Variants in GALNT2 observed in about 807,000 individuals in gnomAD.
GALNT2 encodes the protein UDP-GalNAc:polypeptide N-acetylgalactosaminyltransferase 2.
Under a neutral mutation model 81.4 loss-of-function variants are expected in GALNT2, and 31 were observed. The observed-to-expected ratio is 0.38, with a 90% confidence interval of 0.29 to 0.51. The LOEUF (loss-of-function observed/expected upper bound fraction) is 0.51. Among genes scored for constraint, GALNT2 ranks in the 20% least tolerant of loss-of-function variants. GALNT2 has a pLI of 0.87. For synonymous variants in GALNT2, 303 were observed against 287.4 expected, an observed-to-expected ratio of 1.05 and a Z score of -0.55; for missense variants, 629 against 765.7, an observed-to-expected ratio of 0.82 and a Z score of 2.11.
intron 1 of GALNT2, among the ~76,000 whole-genome samples, chr1:230,074,604 C>A (rs746017296): frequency 2.0e-5 from 3 of 152,196 alleles, no homozygotes; most frequent in Non-Finnish European, 2.9e-5. Flanking sequence ...GATTTCATTC[C>A]TTCTGTCTGA....
At chr1:230,132,593 C>T (rs1178371533) in intron 1 of GALNT2, among the ~76,000 whole-genome samples, 2 of 152,188 alleles carry the variant, frequency 1.3e-5, no homozygotes, top group African/African-American at 2.4e-5. Flanking sequence ...AGGTGACATG[C>T]AGACTGTCTT....
At chr1:230,274,617 C>A (rs1666237015) in intron 15 of GALNT2, 53 bp downstream of exon 15, 3 of 1,607,632 alleles carry the variant, frequency 1.9e-6, no homozygotes, top group Non-Finnish European at 1.7e-6. Context: ...ACCAGGGTAG[C>A]CACGGCCTGC....
Position 230,275,722 on chromosome 1 carries a change from A to G in GALNT2, c.1560+1158A>G, listed in dbSNP as rs1666283415. Among the ~76,000 whole-genome samples, 1 of 151,424 alleles carries G rather than the reference A, an allele frequency of 6.6e-6. No homozygotes were observed. Among genetic ancestry groups the G allele is most frequent in the Admixed American group, 6.6e-5 (1 of 15,180 alleles). On this transcript the variant is annotated intron_variant, in intron 15 of 15. Coordinates refer to ENST00000366672, the MANE Select transcript of GALNT2 (RefSeq NM_004481.5). The surrounding 1 kb of genome is among the most constrained non-coding windows in gnomAD (Gnocchi z 5.5). ...ATATATATACACACCACATATACAC[A>G]CCACATATATATATACAAACACCAC...
At chr1:230,262,778 A>G in intron 12 of GALNT2, 113 bp downstream of exon 12, 18 of 1,320,522 alleles carry the variant, frequency 1.4e-5, no homozygotes, top group Non-Finnish European at 2.0e-5. Context: ...CAAGGCGGGA[A>G]GGGGTTGTGG....
chr1:230,203,958 AG>A (rs78028597), intron 3 of GALNT2, among the ~76,000 whole-genome samples: 13,643 of 152,146 alleles, frequency 0.09, 1,118 homozygotes, highest in African/African-American at 0.21. Flanking sequence ...CTGAGTAGCT[AG>A]GACTACAGGC....
chr1:230,089,565 T>C (rs558574245), intron 1 of GALNT2, among the ~76,000 whole-genome samples: 1 of 152,270 alleles, frequency 6.6e-6, no homozygotes, highest in South Asian at 2.1e-4. Flanking sequence ...AAACAGTAAC[T>C]CTCCATTCTC....
At chr1:230,094,996 C>T (rs967603369) in intron 1 of GALNT2, among the ~76,000 whole-genome samples, 1 of 152,172 alleles carries the variant, frequency 6.6e-6, no homozygotes, top group African/African-American at 2.4e-5. Flanking sequence ...GCGATGATGT[C>T]GTAGTTCACG....
At chr1:230,147,076 G>T (rs1323358021) in intron 1 of GALNT2, among the ~76,000 whole-genome samples, 1 of 152,110 alleles carries the variant, frequency 6.6e-6, no homozygotes, top group Non-Finnish European at 1.5e-5. Context: ...CAGAGTTAGA[G>T]AAACAGGAGG....
At position 230,276,579 on chromosome 1, in the gene GALNT2, G is replaced by A. The variant is rs558806942; in HGVS notation, c.1560+2015G>A. Among the ~76,000 whole-genome samples, 5 of 152,264 alleles carry A rather than the reference G, an allele frequency of 3.3e-5. No homozygotes were observed. In the South Asian group the frequency reaches 1.0e-3, roughly 32 times the overall value. Reference sequence around the variant, plus strand: ...CCCCGGTTCTGACCCCAGTTGTCAGGGAGACGCCTGCAGAGGGCCCTCTTT... The same window carrying A: ...CCCCGGTTCTGACCCCAGTTGTCAGAGAGACGCCTGCAGAGGGCCCTCTTT... On this transcript the variant is annotated intron_variant, in intron 15 of 15. Coordinates refer to ENST00000366672, the MANE Select transcript of GALNT2 (RefSeq NM_004481.5).
At chr1:230,263,064 T>G in intron 13 of GALNT2, 59 bp downstream of exon 13, 1 of 1,409,074 alleles carries the variant, frequency 7.1e-7, no homozygotes, top group Non-Finnish European at 1.0e-6. Context: ...AGTAAGGCCA[T>G]AGAAGCAGCA....
intron 3 of GALNT2, among the ~76,000 whole-genome samples, chr1:230,211,768 A>G (rs1664240943): frequency 1.3e-5 from 2 of 152,114 alleles, no homozygotes; most frequent in African/African-American, 2.4e-5. Flanking sequence ...GTGAGACTCT[A>G]TCTCTAAAAA....
chr1:230,110,714 G>GTTTTTTTTTTTTTTTTT (rs113630188), intron 1 of GALNT2, among the ~76,000 whole-genome samples: 1 of 137,658 alleles, frequency 7.3e-6, no homozygotes, highest in Non-Finnish European at 1.6e-5. Flanking sequence ...GTGCTTTTCT[G>GTTTTTTTTTTTTTTTTT]TTTTTTTTTT....
chr1:230,180,733 C>A (rs926219913), intron 2 of GALNT2, among the ~76,000 whole-genome samples: 16 of 152,310 alleles, frequency 1.1e-4, no homozygotes, highest in African/African-American at 3.4e-4. Context: ...TATTGTCTTA[C>A]TCCCCATGAA....
intron 1 of GALNT2, among the ~76,000 whole-genome samples, chr1:230,136,537 C>G (rs1321891873): frequency 6.6e-6 from 1 of 152,210 alleles, no homozygotes; most frequent in African/African-American, 2.4e-5. Context: ...TGCCCCCCAT[C>G]CAGAGCCACA....
rs116165092 is a variant in GALNT2, at chr1:230,131,580, C to T, written c.127-46638C>T. On this transcript the variant is annotated intron_variant, in intron 1 of 15. Transcript: ENST00000366672. ...CTTAAGCACTAGCCACCCAATTCTCCTTGCTTGGCACCCTGCAATTTAAAC... is the reference window on the plus strand; with the variant it reads ...CTTAAGCACTAGCCACCCAATTCTCTTTGCTTGGCACCCTGCAATTTAAAC... Among the ~76,000 whole-genome samples, 436 of 152,316 alleles carry T rather than the reference C, an allele frequency of 2.9e-3. 3 individuals carry two copies. Among genetic ancestry groups the T allele is most frequent in the African/African-American group, 0.01 (419 of 41,576 alleles).
At chr1:230,177,175 C>T (rs1663007130) in intron 1 of GALNT2, among the ~76,000 whole-genome samples, 1 of 152,254 alleles carries the variant, frequency 6.6e-6, no homozygotes, top group South Asian at 2.1e-4. Context: ...CTGAGGTTTA[C>T]CCTTCTGCAG....
intron 1 of GALNT2, among the ~76,000 whole-genome samples, chr1:230,099,942 C>T (rs1660354559): frequency 1.3e-5 from 2 of 152,210 alleles, no homozygotes; most frequent in Admixed American, 6.5e-5. Context: ...CTTGGTGTTG[C>T]GGGCACAGCA....
rs76955118 is a variant in GALNT2, at chr1:230,172,759, A to T, written c.127-5459A>T. On this transcript the variant is annotated intron_variant, in intron 1 of 15. Coordinates refer to ENST00000366672, the MANE Select transcript of GALNT2 (RefSeq NM_004481.5). ...TGGATCAGAGACAGATTATACTGGG[A>T]ATATTCTATTAACAACGAAACCTAT... Among the ~76,000 whole-genome samples, 387 of 152,324 alleles carry T rather than the reference A, an allele frequency of 2.5e-3. 4 individuals are homozygous for T. The highest frequency in any genetic ancestry group is 0.017 in the Admixed American group (255 of 15,300).
At chr1:230,244,360 A>G (rs1665299936) in intron 7 of GALNT2, among the ~76,000 whole-genome samples, 1 of 152,148 alleles carries the variant, frequency 6.6e-6, no homozygotes, top group Non-Finnish European at 1.5e-5. Context: ...ACGCAAAATC[A>G]TACAGGTAGC....
Sources: allele counts gnomAD v4.1 joint callset (sites outside exome capture counted in the v4.1 genomes callset), GRCh38; gene constraint gnomAD v4.1.1; non-coding constraint Gnocchi (gnomAD v3.1); transcripts MANE v1.5; gene names NCBI Gene and HGNC (gene_info 2026-07-23, HGNC 2026-07-21).